KLHL5: variants seen among roughly 807,000 people sequenced by gnomAD.
The protein encoded by KLHL5 is kelch-like protein 5.
A neutral mutation model predicts 77.7 loss-of-function variants in KLHL5; 48 were observed. The observed-to-expected ratio is 0.62, with a 90% confidence interval of 0.49 to 0.79. KLHL5 has a LOEUF of 0.79. Ranked by LOEUF, KLHL5 falls within the 30% of genes least tolerant of loss-of-function variation. The probability of loss-of-function intolerance (pLI) is 0.00; values close to 1 mark genes in which losing one functional copy is unlikely to be tolerated. For synonymous variants in KLHL5, 260 were observed against 297.0 expected (o/e 0.88, Z 1.28); for missense variants, 723 against 859.7 (o/e 0.84, Z 1.99).
intron 1 of KLHL5, among the ~76,000 whole-genome samples, chr4:39,072,149 T>G (rs536505479): frequency 6.6e-6 from 1 of 150,552 alleles, no homozygotes; most frequent in South Asian, 2.1e-4. Flanking sequence ...GATCATTTTT[T>G]AAAAAAGACA....
intron 1 of KLHL5, among the ~76,000 whole-genome samples, chr4:39,074,981 C>T (rs1718870106): frequency 6.6e-6 from 1 of 152,162 alleles, no homozygotes; most frequent in African/African-American, 2.4e-5. Context: ...CTCAGGACTT[C>T]ATTCTTAGTC....
At chr4:39,115,657 C>G in intron 10 of KLHL5, 1 of 1,326,680 alleles carries the variant, frequency 7.5e-7, no homozygotes, top group East Asian at 3.2e-5. Context: ...AAAATAAAAA[C>G]AAGGATAGTA....
chr4:39,141,547 G>A, the KLHL5 span, among the ~76,000 whole-genome samples: 3 of 151,920 alleles, frequency 2.0e-5, no homozygotes, highest in Non-Finnish European at 2.9e-5. Flanking sequence ...TCCTGACCTC[G>A]TGATCCGCCC....
In KLHL5 at chr4:39,125,324, G is replaced by A. The variant is rs1225005143; in HGVS notation, c.*4258G>A. Among the ~76,000 whole-genome samples, 1 of 152,128 alleles carries A rather than the reference G, an allele frequency of 6.6e-6. No homozygotes were observed. The highest frequency in any genetic ancestry group is 6.5e-5 in the Admixed American group (1 of 15,268). ...AAAAAAAGAATTACCATATGACCCA[G>A]CAAGTCCACTCCTGGGCATATACTG... On this transcript the variant is annotated 3_prime_UTR_variant, in exon 11 of 11. Transcript: ENST00000504108.
downstream of KLHL5, among the ~76,000 whole-genome samples, chr4:39,129,456 C>A (rs1723717353): frequency 6.6e-6 from 1 of 152,186 alleles, no homozygotes; most frequent in African/African-American, 2.4e-5. The surrounding 1 kb of genome is among the most constrained non-coding windows in gnomAD (Gnocchi z 4.2). Context: ...GATCCGCCCG[C>A]CTTGGCCTCC....
At chr4:39,101,859 A>AAATATAT (rs1553892985) in intron 6 of KLHL5, among the ~76,000 whole-genome samples, 1 of 104,772 alleles carries the variant, frequency 9.5e-6, no homozygotes, top group East Asian at 3.0e-4. Flanking sequence ...AAAAAAAAAA[A>AAATATAT]ATATATATAT....
chr4:39,071,889 A>C (rs117403706), intron 1 of KLHL5, among the ~76,000 whole-genome samples: 1 of 152,232 alleles, frequency 6.6e-6, no homozygotes, highest in Non-Finnish European at 1.5e-5. Context: ...GATTTGAATG[A>C]TCTTATGTAA....
intron 7 of KLHL5, among the ~76,000 whole-genome samples, chr4:39,106,937 T>G (rs1577728977): frequency 6.6e-6 from 1 of 151,646 alleles, no homozygotes; most frequent in East Asian, 1.9e-4. Flanking sequence ...GAGATGGCAC[T>G]CTTGCTGTGT....
At chr4:39,058,958 T>A (rs1717185998), upstream of KLHL5, among the ~76,000 whole-genome samples, 1 of 151,972 alleles carries the variant, frequency 6.6e-6, no homozygotes, top group Admixed American at 6.6e-5. Context: ...TGAAAAAAAT[T>A]AGGAGGGTCA....
intron 8 of KLHL5, among the ~76,000 whole-genome samples, chr4:39,110,161 G>A (rs1164660999): frequency 6.6e-6 from 1 of 152,140 alleles, no homozygotes; most frequent in Non-Finnish European, 1.5e-5. Context: ...TATTTAAAAT[G>A]TATTACAAGT....
At chr4:39,101,737 T>G (rs1721562426) in intron 6 of KLHL5, among the ~76,000 whole-genome samples, 1 of 151,158 alleles carries the variant, frequency 6.6e-6, no homozygotes, top group African/African-American at 2.4e-5. Context: ...TAATCCCGGT[T>G]TGGGAGGCTG....
the KLHL5 span, among the ~76,000 whole-genome samples, chr4:39,136,229 T>C: frequency 2.6e-5 from 4 of 152,226 alleles, no homozygotes; most frequent in South Asian, 8.3e-4. Context: ...ACATGATCTC[T>C]GCTCACTGCA....
At chr4:39,120,586 G>A (rs3796511) in intron 10 of KLHL5, among the ~76,000 whole-genome samples, 79,779 of 152,010 alleles carry the variant, frequency 0.52, 21,546 homozygotes, top group Non-Finnish European at 0.6. Context: ...AGTATTTTGT[G>A]TGCTACCTCT....
chr4:39,088,945 C>T (rs1028776258), intron 5 of KLHL5, among the ~76,000 whole-genome samples: 6 of 152,152 alleles, frequency 3.9e-5, no homozygotes, highest in African/African-American at 1.4e-4. Context: ...TGGACCAGAA[C>T]ATGGAGAACC....
intron 1 of KLHL5, among the ~76,000 whole-genome samples, chr4:39,073,935 G>A (rs1577667614): frequency 6.6e-6 from 1 of 151,792 alleles, no homozygotes; most frequent in Non-Finnish European, 1.5e-5. Context: ...CGAAGTGCTG[G>A]GATTATAGTA....
chr4:39,105,224 G>A (rs563612626), intron 7 of KLHL5, among the ~76,000 whole-genome samples: 3 of 150,348 alleles, frequency 2.0e-5, no homozygotes, highest in South Asian at 4.2e-4. Flanking sequence ...TTGGCTCACT[G>A]CAACCTCTTC....
At chr4:39,084,353 A>T (rs1050304337) in intron 4 of KLHL5, among the ~76,000 whole-genome samples, 4 of 152,176 alleles carry the variant, frequency 2.6e-5, no homozygotes, top group Non-Finnish European at 5.9e-5. Context: ...GGAGCAAGTC[A>T]TGTAACCTCT....
intron 6 of KLHL5, among the ~76,000 whole-genome samples, chr4:39,097,955 A>G (rs1244055498): frequency 2.6e-5 from 4 of 151,632 alleles, no homozygotes; most frequent in African/African-American, 9.7e-5. Flanking sequence ...ATATGGTGAA[A>G]CCCCATCTCT....
At chr4:39,056,663 A>G (rs1717029513) in intron 1 of KLHL5, among the ~76,000 whole-genome samples, 1 of 152,220 alleles carries the variant, frequency 6.6e-6, no homozygotes, top group Non-Finnish European at 1.5e-5. Flanking sequence ...GGTTTCTTAA[A>G]TAGATTAATT....
Sources: gnomAD v4.1 joint callset for allele counts (sites outside exome capture counted in the v4.1 genomes callset) on GRCh38, gnomAD v4.1.1 for gene constraint, Gnocchi (gnomAD v3.1) non-coding constraint, MANE v1.5 for transcripts, NCBI Gene and HGNC (gene_info 2026-07-23, HGNC 2026-07-21) for gene names.